TULP4: variants seen among roughly 807,000 people sequenced by gnomAD.
TULP4 encodes TUB like protein 4.
Under a neutral mutation model 129.0 loss-of-function variants are expected in TULP4, and 16 were observed. That is an observed-to-expected ratio of 0.12 (90% CI 0.08 to 0.19). The LOEUF is 0.19. Ranked by LOEUF, TULP4 falls within the 10% of genes least tolerant of loss-of-function variation. The pLI, the probability that TULP4 is intolerant of heterozygous loss-of-function variation, is 1.00. For missense variants in TULP4, 1,842 were observed against 2,059.1 expected, an observed-to-expected ratio of 0.89 and a Z score of 2.04; for synonymous variants, 998 against 854.0, an observed-to-expected ratio of 1.17 and a Z score of -2.94.
intron 2 of TULP4, among the ~76,000 whole-genome samples, chr6:158,419,058 TTAA>T (rs1191745175): frequency 6.6e-6 from 1 of 152,238 alleles, no homozygotes. Context: ...TTGTTTTATG[TTAA>T]TGAGAAAAAC....
intron 1 of TULP4, among the ~76,000 whole-genome samples, chr6:158,234,640 T>C (rs369484731): frequency 6.6e-6 from 1 of 152,234 alleles, no homozygotes; most frequent in Non-Finnish European, 1.5e-5. Flanking sequence ...CAACCTCTTA[T>C]GAAATGCTGT....
chr6:158,251,501 G>A (rs1350388710), intron 1 of TULP4, among the ~76,000 whole-genome samples: 2 of 152,134 alleles, frequency 1.3e-5, no homozygotes, highest in Admixed American at 1.3e-4. Flanking sequence ...GAAGTACACT[G>A]TCTCTTCTAA....
chr6:158,379,272 T>C (rs1777270832), intron 1 of TULP4, among the ~76,000 whole-genome samples: 1 of 152,202 alleles, frequency 6.6e-6, no homozygotes, highest in Non-Finnish European at 1.5e-5. Context: ...CATATGAACC[T>C]GTGGCCAGAG....
At chr6:158,386,642 T>C (rs1777454906) in intron 1 of TULP4, among the ~76,000 whole-genome samples, 1 of 152,204 alleles carries the variant, frequency 6.6e-6, no homozygotes, top group South Asian at 2.1e-4. Context: ...AGAATTCAGA[T>C]CAGATTTTCC....
At chr6:158,376,676 G>A (rs549381258) in intron 1 of TULP4, among the ~76,000 whole-genome samples, 1 of 152,340 alleles carries the variant, frequency 6.6e-6, no homozygotes, top group South Asian at 2.1e-4. Context: ...CACAGCCTCA[G>A]AGGCTGGAAG....
At chr6:158,408,089 T>C (rs1304127006) in intron 1 of TULP4, among the ~76,000 whole-genome samples, 1 of 152,196 alleles carries the variant, frequency 6.6e-6, no homozygotes, top group Non-Finnish European at 1.5e-5. Flanking sequence ...CTTTCAAGAA[T>C]AGTTTAATAG....
intron 1 of TULP4, among the ~76,000 whole-genome samples, chr6:158,234,040 G>A (rs1203771065): frequency 6.6e-6 from 1 of 152,216 alleles, no homozygotes; most frequent in Admixed American, 6.5e-5. Context: ...TTCATACATG[G>A]AAGATGATTA....
intron 6 of TULP4, among the ~76,000 whole-genome samples, chr6:158,471,039 G>A (rs1779669402): frequency 6.6e-6 from 1 of 152,178 alleles, no homozygotes; most frequent in African/African-American, 2.4e-5. Context: ...AAAAAGTACA[G>A]CAAGGGACAA....
chr6:158,489,354 T>C (rs1780143879), intron 8 of TULP4, among the ~76,000 whole-genome samples: 1 of 152,226 alleles, frequency 6.6e-6, no homozygotes, highest in African/African-American at 2.4e-5. Flanking sequence ...ATTTCGTACA[T>C]TCCTAGAAAC....
chr6:158,435,798 C>T (rs961039666), intron 3 of TULP4, among the ~76,000 whole-genome samples: 4 of 152,126 alleles, frequency 2.6e-5, no homozygotes, highest in Admixed American at 2.6e-4. Context: ...GCTTCCTCTC[C>T]CCCCTGCCTC....
intron 3 of TULP4, among the ~76,000 whole-genome samples, chr6:158,442,880 C>G (rs1447150274): frequency 3.3e-5 from 5 of 151,212 alleles, no homozygotes; most frequent in Non-Finnish European, 5.9e-5. Flanking sequence ...ATGGCGCTAT[C>G]TCTGCTCACT....
chr6:158,479,949 T>A lies in TULP4; in HGVS notation c.1225T>A (p.Ser409Thr). The change falls in exon 7 of 14, where the codon TCC becomes ACC. Residue 409 changes from serine (S) to threonine (T), a missense_variant. This residue lies in a region of TULP4 where 456 missense variants were observed against 534.3 expected (regional missense o/e 0.85). Coordinates refer to ENST00000367097, the MANE Select transcript of TULP4 (RefSeq NM_020245.5). ...GCCCCCCCGCCTCTGCTCCTACCTCTCCACTGCCTTCATCCCCACCATCAA... is the reference window on the plus strand; with the variant it reads ...GCCCCCCCGCCTCTGCTCCTACCTCACCACTGCCTTCATCCCCACCATCAA... ...TLPPRLCSYL[S>T]TAFIPTIKPP... is the part of the protein sequence containing the mutation. 6.2e-7 allele frequency: 1 copy of A among 1,608,602 alleles called. No individual in the cohort carries two copies. The highest frequency in any genetic ancestry group is 8.5e-7 in the Non-Finnish European group (1 of 1,179,470).
At chr6:158,247,964 G>A (rs1338213887) in intron 1 of TULP4, among the ~76,000 whole-genome samples, 1 of 152,168 alleles carries the variant, frequency 6.6e-6, no homozygotes, top group Non-Finnish European at 1.5e-5. Flanking sequence ...AAAACCGGAG[G>A]CACAAATTCA....
chr6:158,360,746 A>G (rs567262055), intron 1 of TULP4, among the ~76,000 whole-genome samples: 1 of 152,342 alleles, frequency 6.6e-6, no homozygotes, highest in South Asian at 2.1e-4. Flanking sequence ...GTATGCAAGT[A>G]AGAAGCCCTG....
Position 158,506,774 on chromosome 6 carries a change from G to C in TULP4, c.*80G>C. Reference sequence around the variant, plus strand: ...GAGATGCCAGAGGAGCCCTCTAGGGGTCCGATGCCTGGGAGGACCAGAAGC... The same window carrying C: ...GAGATGCCAGAGGAGCCCTCTAGGGCTCCGATGCCTGGGAGGACCAGAAGC... On this transcript the variant is annotated 3_prime_UTR_variant, in exon 14 of 14. Transcript: ENST00000367097. The C allele has an allele frequency of 1.0e-6, 1 of 991,008 alleles. No homozygotes were observed. Among genetic ancestry groups the C allele is most frequent in the Non-Finnish European group, 1.6e-6 (1 of 635,786 alleles). 61.4% of individuals were successfully genotyped at this position (991,008 alleles called of 1,614,324 possible).
In TULP4 at chr6:158,501,814, G is replaced by A; in HGVS notation, c.2151G>A (p.Gln717=). ...TGGTGCAGTCCCTACTGGCCAATCA[G>A]AATGTGCAGCTAGATGTCCTGACCA... ...IGLVQSLLAN[Q]NVQLDVLTNQ... is the part of the protein sequence containing the mutation. Residue 717 remains glutamine (Q), a synonymous_variant, in exon 13 of 14, where the codon CAG becomes CAA. Coordinates refer to ENST00000367097, the MANE Select transcript of TULP4 (RefSeq NM_020245.5). 1.2e-6 allele frequency: 2 copies of A among 1,614,126 alleles called. No individual in the cohort carries two copies. Among genetic ancestry groups the A allele is most frequent in the South Asian group, 1.1e-5 (1 of 91,088 alleles).
intron 1 of TULP4, among the ~76,000 whole-genome samples, chr6:158,319,937 A>G (rs977124275): frequency 6.6e-6 from 1 of 152,210 alleles, no homozygotes; most frequent in East Asian, 1.9e-4. Context: ...TGGTGAAAAT[A>G]TATGCCCCCC....
chr6:158,337,920 A>G (rs6910554), intron 1 of TULP4, among the ~76,000 whole-genome samples: 130,977 of 152,104 alleles, frequency 0.86, 56,829 homozygotes, highest in South Asian at 0.93. Context: ...TTTAAGATTA[A>G]GAAAATTAAA....
intron 1 of TULP4, among the ~76,000 whole-genome samples, chr6:158,389,520 G>C (rs991322205): frequency 2.0e-5 from 3 of 152,068 alleles, no homozygotes; most frequent in Non-Finnish European, 4.4e-5. Flanking sequence ...ACAAAAGTGA[G>C]ACAGCATACT....
Sources: gnomAD v4.1 joint callset for allele counts (sites outside exome capture counted in the v4.1 genomes callset) on GRCh38, gnomAD v4.1.1 for gene constraint, gnomAD v4.1.1 regional missense constraint, MANE v1.5 for transcripts, NCBI Gene and HGNC (gene_info 2026-07-23, HGNC 2026-07-21) for gene names.